The following CRIM1 variants were observed in gnomAD, a reference collection of about 807,000 sequenced individuals.
CRIM1 encodes the protein cysteine rich transmembrane BMP regulator 1.
In CRIM1, 32 loss-of-function variants were observed where a neutral mutation model predicts 116.4. That is an observed-to-expected ratio of 0.27 (90% CI 0.21 to 0.37). The LOEUF (loss-of-function observed/expected upper bound fraction) is 0.37. CRIM1 is among the 10% of genes least tolerant of loss of function. The probability of loss-of-function intolerance (pLI) is 1.00; values close to 1 mark genes in which losing one functional copy is unlikely to be tolerated. For synonymous variants in CRIM1, 590 were observed against 509.2 expected (o/e 1.16, Z -2.13); for missense variants, 1,331 against 1,354.8 (o/e 0.98, Z 0.28).
intron 6 of CRIM1, among the ~76,000 whole-genome samples, chr2:36,478,890 C>T (rs562509034): frequency 6.6e-5 from 10 of 152,054 alleles, no homozygotes; most frequent in African/African-American, 2.4e-4. Flanking sequence ...CCTGGGGCTG[C>T]AGCTTAGCTT....
chr2:36,428,426 C>T (rs1674622593), intron 2 of CRIM1, among the ~76,000 whole-genome samples: 2 of 152,216 alleles, frequency 1.3e-5, no homozygotes, highest in Non-Finnish European at 2.9e-5. Flanking sequence ...AGCTTCAAAT[C>T]TCTAATTCAT....
chr2:36,410,262 C>T (rs973337645), intron 2 of CRIM1, among the ~76,000 whole-genome samples: 2 of 152,010 alleles, frequency 1.3e-5, no homozygotes, highest in African/African-American at 4.8e-5. Context: ...TTCTCTGTCA[C>T]TGGGATTTTT....
intron 1 of CRIM1, among the ~76,000 whole-genome samples, chr2:36,377,591 G>C (rs924571922): frequency 1.3e-5 from 2 of 152,088 alleles, no homozygotes; most frequent in African/African-American, 4.8e-5. Context: ...TGGTTATAAG[G>C]AATACTTAAG....
At chr2:36,497,129 A>G (rs533285194) in intron 7 of CRIM1, among the ~76,000 whole-genome samples, 2 of 152,296 alleles carry the variant, frequency 1.3e-5, no homozygotes, top group South Asian at 2.1e-4. Context: ...TTTTCTCATA[A>G]ATTTCACATA....
At chr2:36,464,734 C>T in intron 5 of CRIM1, 79 bp downstream of exon 5, 1 of 1,543,382 alleles carries the variant, frequency 6.5e-7, no homozygotes, top group Non-Finnish European at 8.9e-7. Context: ...TTAGCTGCTT[C>T]TGCCTTTTAC....
At chr2:36,366,000 A>G (rs908757934) in intron 1 of CRIM1, among the ~76,000 whole-genome samples, 1 of 152,204 alleles carries the variant, frequency 6.6e-6, no homozygotes, top group African/African-American at 2.4e-5. Context: ...TGCTGGGATT[A>G]CAGGCGTGAG....
chr2:36,424,859 A>G (rs1012750393), intron 2 of CRIM1, among the ~76,000 whole-genome samples: 1 of 151,652 alleles, frequency 6.6e-6, no homozygotes, highest in African/African-American at 2.4e-5. Flanking sequence ...ATATGTACCC[A>G]CCCCCAAAAT....
intron 1 of CRIM1, among the ~76,000 whole-genome samples, chr2:36,388,363 T>G (rs1027757827): frequency 2.0e-5 from 3 of 152,206 alleles, no homozygotes; most frequent in Non-Finnish European, 4.4e-5. Flanking sequence ...CTAATTGGTC[T>G]GATAATGGAA....
intron 4 of CRIM1, among the ~76,000 whole-genome samples, chr2:36,445,394 C>G (rs943036451): frequency 6.6e-6 from 1 of 152,152 alleles, no homozygotes; most frequent in Non-Finnish European, 1.5e-5. Context: ...GCTCATCCAG[C>G]AGGACTCTAA....
intron 8 of CRIM1, among the ~76,000 whole-genome samples, chr2:36,508,256 A>T (rs2125103363): frequency 6.6e-6 from 1 of 152,346 alleles, no homozygotes; most frequent in East Asian, 1.9e-4. Flanking sequence ...CAGAGTAGAA[A>T]ATTACACCAT....
intron 13 of CRIM1, among the ~76,000 whole-genome samples, chr2:36,532,369 C>T (rs558383517): frequency 6.6e-6 from 1 of 152,262 alleles, no homozygotes; most frequent in African/African-American, 2.4e-5. Context: ...CTCTAATCCT[C>T]TTTGAGAGAG....
chr2:36,529,214 A>G, intron 13 of CRIM1: 1 of 471,202 alleles, frequency 2.1e-6, no homozygotes, highest in Non-Finnish European at 4.4e-6. Flanking sequence ...CCCCATCACA[A>G]GAGGGCCCAC....
chr2:36,472,414 T>G (rs998603720), intron 5 of CRIM1, among the ~76,000 whole-genome samples: 3 of 152,192 alleles, frequency 2.0e-5, no homozygotes, highest in African/African-American at 7.2e-5. Context: ...TTTTCACCCT[T>G]AAAGATTGAT....
intron 1 of CRIM1, among the ~76,000 whole-genome samples, chr2:36,362,176 AAT>A (rs1374723231): frequency 6.6e-6 from 1 of 152,032 alleles, no homozygotes; most frequent in African/African-American, 2.4e-5. Context: ...TCTACATAAT[AAT>A]ATAAATTCAA....
At chr2:36,499,560 G>C (rs1334575300) in intron 8 of CRIM1, 1 of 521,958 alleles carries the variant, frequency 1.9e-6, no homozygotes, top group Non-Finnish European at 3.3e-6. Flanking sequence ...CTGTTTCCTT[G>C]ATGGCCAGTT....
intron 6 of CRIM1, 111 bp downstream of exon 6, chr2:36,477,182 C>G (rs1679051854): frequency 2.4e-6 from 2 of 821,642 alleles, no homozygotes; most frequent in Middle Eastern, 2.4e-4. Context: ...ATTGAAGTTC[C>G]TTTTTTAGCC....
At chr2:36,424,882 C>T (rs1467981709) in intron 2 of CRIM1, among the ~76,000 whole-genome samples, 1 of 152,150 alleles carries the variant, frequency 6.6e-6, no homozygotes, top group African/African-American at 2.4e-5. Context: ...AACAGATTGC[C>T]TGCAGTCACC....
chr2:36,501,988 T>G (rs1365609466), intron 8 of CRIM1, among the ~76,000 whole-genome samples: 1 of 152,234 alleles, frequency 6.6e-6, no homozygotes, highest in African/African-American at 2.4e-5. Flanking sequence ...GTTTATATTT[T>G]AATCCTTCTA....
chr2:36,465,948 C>G (rs1474850804), intron 5 of CRIM1, among the ~76,000 whole-genome samples: 1 of 151,290 alleles, frequency 6.6e-6, no homozygotes, highest in Non-Finnish European at 1.5e-5. Context: ...TGCAGTGGCG[C>G]AATCTCGGCT....
Sources: allele counts gnomAD v4.1 joint callset (sites outside exome capture counted in the v4.1 genomes callset), GRCh38; gene constraint gnomAD v4.1.1; transcripts MANE v1.5; gene names NCBI Gene and HGNC (gene_info 2026-07-23, HGNC 2026-07-21).